The following PALM2AKAP2 variants were observed in gnomAD, a reference collection of about 807,000 sequenced individuals.
PALM2AKAP2 encodes the protein PALM2-AKAP2 fusion protein.
PALM2AKAP2 carries 37 observed loss-of-function variants against 71.5 expected under a neutral mutation model. The ratio of observed to expected loss-of-function variants is 0.52; its 90% CI spans 0.40 to 0.68. The LOEUF is 0.68. PALM2AKAP2 is among the 30% of genes least tolerant of loss of function. The pLI, the probability that PALM2AKAP2 is intolerant of heterozygous loss-of-function variation, is 0.00. For missense variants in PALM2AKAP2, 1,224 were observed against 1,191.8 expected (o/e 1.03, Z -0.40); for synonymous variants, 468 against 478.8 (o/e 0.98, Z 0.29).
At chr9:110,090,291 C>T (rs7861341) in intron 1 of PALM2AKAP2, 64,246 of 453,452 alleles carry the variant, frequency 0.14, 6,026 homozygotes, top group African/African-American at 0.34. Context: ...GTCCTTACAT[C>T]GGATGTCCTA....
chr9:109,870,979 T>A (rs1265582383), intron 2 of PALM2AKAP2, among the ~76,000 whole-genome samples: 1 of 152,244 alleles, frequency 6.6e-6, no homozygotes, highest in Admixed American at 6.5e-5. Context: ...TTATAAGATA[T>A]AATTTTCATA....
At chr9:109,907,907 C>G (rs1371203505) in intron 3 of PALM2AKAP2, among the ~76,000 whole-genome samples, 1 of 152,212 alleles carries the variant, frequency 6.6e-6, no homozygotes, top group African/African-American at 2.4e-5. Context: ...CCTTCCTAGT[C>G]TCTGTTTCAG....
At chr9:109,831,498 A>G (rs1828300639) in intron 1 of PALM2AKAP2, among the ~76,000 whole-genome samples, 1 of 152,218 alleles carries the variant, frequency 6.6e-6, no homozygotes, top group Non-Finnish European at 1.5e-5. Context: ...GATAACTTTT[A>G]CAAATCACAA....
intron 1 of PALM2AKAP2, among the ~76,000 whole-genome samples, chr9:109,702,752 TA>T (rs566421995): frequency 1.5e-3 from 211 of 139,448 alleles, no homozygotes; most frequent in South Asian, 6.9e-3. Flanking sequence ...GGTATAATAA[TA>T]AAAAAAAAAA....
chr9:109,940,643 T>A (rs1831338759), intron 6 of PALM2AKAP2, among the ~76,000 whole-genome samples: 4 of 152,036 alleles, frequency 2.6e-5, no homozygotes. Flanking sequence ...ATGGGCTAGA[T>A]CTCTAGAAGT....
intron 2 of PALM2AKAP2, among the ~76,000 whole-genome samples, chr9:110,145,993 G>A (rs1836159667): frequency 6.9e-6 from 1 of 145,194 alleles, no homozygotes; most frequent in Non-Finnish European, 1.5e-5. Flanking sequence ...CTGCCTCCCA[G>A]GTTCACGCCA....
intron 2 of PALM2AKAP2, among the ~76,000 whole-genome samples, chr9:110,139,052 C>T (rs1483482719): frequency 6.6e-6 from 1 of 152,168 alleles, no homozygotes; most frequent in Non-Finnish European, 1.5e-5. Context: ...ATGCAAAATG[C>T]TTTTGTTCAT....
At chr9:109,819,691 A>ATGTGTG (rs113678587) in intron 1 of PALM2AKAP2, among the ~76,000 whole-genome samples, 1 of 145,808 alleles carries the variant, frequency 6.9e-6, no homozygotes, top group Non-Finnish European at 1.5e-5. Flanking sequence ...AGGCCTAATT[A>ATGTGTG]TGTGTGTGTG....
intron 3 of PALM2AKAP2, among the ~76,000 whole-genome samples, chr9:109,882,146 G>A (rs1053718804): frequency 6.6e-6 from 1 of 152,196 alleles, no homozygotes; most frequent in South Asian, 2.1e-4. Flanking sequence ...GCCTCCCAAA[G>A]TGCTGGAATT....
At chr9:109,706,313 T>G (rs1828143499) in intron 1 of PALM2AKAP2, among the ~76,000 whole-genome samples, 1 of 152,148 alleles carries the variant, frequency 6.6e-6, no homozygotes, top group Admixed American at 6.5e-5. Context: ...ATTATTTTTT[T>G]GATATTCACT....
intron 1 of PALM2AKAP2, among the ~76,000 whole-genome samples, chr9:109,819,280 A>G (rs529801102): frequency 1.3e-5 from 2 of 152,270 alleles, no homozygotes; most frequent in Non-Finnish European, 2.9e-5. Flanking sequence ...ACATTTAAAA[A>G]TTCATCTTAA....
intron 1 of PALM2AKAP2, among the ~76,000 whole-genome samples, chr9:109,671,829 A>G (rs2118492151): frequency 6.6e-6 from 1 of 152,224 alleles, no homozygotes; most frequent in African/African-American, 2.4e-5. Context: ...AGTTAGCTGT[A>G]TTCCTAGGAA....
intron 6 of PALM2AKAP2, among the ~76,000 whole-genome samples, chr9:109,991,752 C>T (rs1348435378): frequency 6.6e-6 from 1 of 152,120 alleles, no homozygotes; most frequent in Non-Finnish European, 1.5e-5. Flanking sequence ...TGGCTGCAGA[C>T]ATCAGGCTTT....
intron 6 of PALM2AKAP2, among the ~76,000 whole-genome samples, chr9:110,004,445 C>G (rs1032900233): frequency 1.3e-5 from 2 of 152,202 alleles, no homozygotes; most frequent in Non-Finnish European, 2.9e-5. Context: ...TGACCTTTCT[C>G]TCTGGCTGCC....
upstream of PALM2AKAP2, among the ~76,000 whole-genome samples, chr9:109,777,937 C>T (rs988236166): frequency 3.3e-5 from 5 of 152,296 alleles, no homozygotes; most frequent in East Asian, 1.9e-4. Context: ...TCCCCAACCC[C>T]GATTCTTCTA....
chr9:109,851,556 G>A (rs1266112513), intron 1 of PALM2AKAP2, among the ~76,000 whole-genome samples: 1 of 152,160 alleles, frequency 6.6e-6, no homozygotes, highest in Admixed American at 6.5e-5. Context: ...GATACCAAAG[G>A]GAAGCAAAGT....
At chr9:109,669,276 T>C (rs1564107339) in intron 1 of PALM2AKAP2, among the ~76,000 whole-genome samples, 2 of 151,190 alleles carry the variant, frequency 1.3e-5, no homozygotes, top group Non-Finnish European at 2.9e-5. Flanking sequence ...CCTTTTTTTT[T>C]CAATGAATAC....
intron 1 of PALM2AKAP2, among the ~76,000 whole-genome samples, chr9:109,811,028 A>T (rs1049543834): frequency 2.0e-5 from 3 of 152,156 alleles, no homozygotes; most frequent in African/African-American, 7.2e-5. Context: ...TGAGGAGAGA[A>T]GAGAAGGTGT....
At chr9:109,754,015 A>G (rs767801523) in intron 1 of PALM2AKAP2, among the ~76,000 whole-genome samples, 1 of 152,196 alleles carries the variant, frequency 6.6e-6, no homozygotes, top group Non-Finnish European at 1.5e-5. Flanking sequence ...ATAAATCTGC[A>G]TATACACAAC....
Sources: allele counts gnomAD v4.1 joint callset (sites outside exome capture counted in the v4.1 genomes callset), GRCh38; gene constraint gnomAD v4.1.1; transcripts MANE v1.5; gene names NCBI Gene and HGNC (gene_info 2026-07-23, HGNC 2026-07-21).